HCN1: variants seen among roughly 807,000 people sequenced by gnomAD.
HCN1 encodes the protein potassium/sodium hyperpolarization-activated cyclic nucleotide-gated channel 1.
HCN1 carries 13 observed loss-of-function variants against 78.9 expected under a neutral mutation model. The observed-to-expected ratio is 0.16, with a 90% CI of 0.11 to 0.26. The LOEUF (loss-of-function observed/expected upper bound fraction) is 0.26. Among genes scored for constraint, HCN1 ranks in the 10% least tolerant of loss-of-function variants. HCN1 has a pLI of 1.00. For synonymous variants in HCN1, 552 were observed against 455.5 expected, an observed-to-expected ratio of 1.21 and a Z score of -2.70; for missense variants, 810 against 1,154.3, an observed-to-expected ratio of 0.70 and a Z score of 4.32.
chr5:45,575,726 C>T (rs1743927583), intron 2 of HCN1: 1 of 152,042 alleles, frequency 6.6e-6, no homozygotes, highest in African/African-American at 2.4e-5. Flanking sequence ...AGATTTCTTT[C>T]AAAATATCAC....
At chr5:45,320,577 A>G (rs1746105067) in intron 5 of HCN1, among the ~76,000 whole-genome samples, 1 of 151,818 alleles carries the variant, frequency 6.6e-6, no homozygotes, top group South Asian at 2.1e-4. Flanking sequence ...CATGCTTGCA[A>G]GAGGAGGAAC....
chr5:45,437,467 T>C (rs1740579416), intron 3 of HCN1, among the ~76,000 whole-genome samples: 1 of 152,222 alleles, frequency 6.6e-6, no homozygotes, highest in South Asian at 2.1e-4. Flanking sequence ...AAATGTATAG[T>C]ATTTGAATAA....
At chr5:45,679,126 A>G (rs542961471) in intron 1 of HCN1, among the ~76,000 whole-genome samples, 2 of 152,190 alleles carry the variant, frequency 1.3e-5, no homozygotes, top group South Asian at 4.1e-4. Context: ...TCTGGGACAA[A>G]GCATAGTGGT....
intron 2 of HCN1, among the ~76,000 whole-genome samples, chr5:45,573,985 T>C (rs764813473): frequency 6.6e-6 from 1 of 152,080 alleles, no homozygotes; most frequent in African/African-American, 2.4e-5. Context: ...AGATTCCCAA[T>C]AGCATATACA....
intron 1 of HCN1, among the ~76,000 whole-genome samples, chr5:45,680,996 C>G (rs992588539): frequency 1.3e-5 from 2 of 152,080 alleles, no homozygotes; most frequent in African/African-American, 4.8e-5. Context: ...TCCTTAATAT[C>G]TGGTATGTCA....
At chr5:45,495,447 T>C (rs1283995934) in intron 2 of HCN1, among the ~76,000 whole-genome samples, 1 of 149,434 alleles carries the variant, frequency 6.7e-6, no homozygotes, top group Non-Finnish European at 1.5e-5. Flanking sequence ...TGTACATTGA[T>C]TTTGTATCCT....
At position 45,696,217 on chromosome 5, in the gene HCN1, G is replaced by A; in HGVS notation, c.-124C>T. The stretch of plus-strand genomic sequence containing the variant: ...CCGGCGAGCCCAGCTGCCCGTCGCG[G>A]CGGCGGCGGCGGCGGCGGCGGCTGC... On this transcript the variant is annotated 5_prime_UTR_variant, in exon 1 of 8. Transcript: ENST00000303230. The A allele has an allele frequency of 4.3e-6, 1 of 230,854 alleles. No individual in the cohort carries two copies. The highest frequency in any genetic ancestry group is 2.4e-5 in the African/African-American group (1 of 42,324). 14.3% of individuals were successfully genotyped at this position (230,854 alleles called of 1,614,324 possible). A position where few individuals can be genotyped will look rare whatever the true frequency, so the allele number is the denominator to read the frequency against.
chr5:45,469,962 G>T (rs1741355751), intron 2 of HCN1, among the ~76,000 whole-genome samples: 1 of 151,934 alleles, frequency 6.6e-6, no homozygotes, highest in East Asian at 1.9e-4. Flanking sequence ...CCAGCCTCCT[G>T]TCACCATTTT....
intron 2 of HCN1, among the ~76,000 whole-genome samples, chr5:45,608,357 ATGTGTGTG>A (rs397970171): frequency 6.4e-5 from 9 of 140,412 alleles, no homozygotes; most frequent in Admixed American, 2.1e-4. Context: ...GGATGGGTGT[ATGTGTGTG>A]TGTGTGTGTG....
intron 5 of HCN1, among the ~76,000 whole-genome samples, chr5:45,317,646 A>C (rs887515449): frequency 3.9e-5 from 6 of 152,262 alleles, no homozygotes; most frequent in African/African-American, 1.4e-4. Context: ...AATGGGAGAA[A>C]ATTTTTGCAA....
intron 2 of HCN1, among the ~76,000 whole-genome samples, chr5:45,484,277 A>G (rs1741714541): frequency 6.6e-6 from 1 of 152,128 alleles, no homozygotes; most frequent in African/African-American, 2.4e-5. Flanking sequence ...TAAAAAAAAT[A>G]CAAAAAAATT....
At chr5:45,581,706 A>T (rs1214680701) in intron 2 of HCN1, among the ~76,000 whole-genome samples, 2 of 152,178 alleles carry the variant, frequency 1.3e-5, no homozygotes, top group Non-Finnish European at 2.9e-5. Context: ...TATAAGGTGT[A>T]AGGAAGGGAT....
At chr5:45,571,167 C>A (rs1743823295) in intron 2 of HCN1, among the ~76,000 whole-genome samples, 1 of 152,156 alleles carries the variant, frequency 6.6e-6, no homozygotes, top group Non-Finnish European at 1.5e-5. Flanking sequence ...GTCCCTTCCT[C>A]TTTCCTTCCT....
intron 2 of HCN1, among the ~76,000 whole-genome samples, chr5:45,533,946 G>A (rs1281990539): frequency 6.6e-6 from 1 of 152,190 alleles, no homozygotes; most frequent in East Asian, 1.9e-4. Flanking sequence ...CAGTGGAGGG[G>A]AGAAGAGAGA....
At chr5:45,284,630 C>A (rs1745232222) in intron 6 of HCN1, among the ~76,000 whole-genome samples, 1 of 152,076 alleles carries the variant, frequency 6.6e-6, no homozygotes, top group Non-Finnish European at 1.5e-5. Flanking sequence ...AAACTTCAGC[C>A]TTCTTGCTGA....
At position 45,506,071 on chromosome 5, in the gene HCN1, C is replaced by T. The variant is rs72762061; in HGVS notation, c.850-44064G>A. 4.9e-3 allele frequency among the ~76,000 whole-genome samples: 747 copies of T among 152,188 alleles called. 3 individuals carry two copies. Among genetic ancestry groups the T allele is most frequent in the Non-Finnish European group, 7.9e-3 (537 of 67,984 alleles). Reference sequence around the variant, plus strand: ...GTTCACTAGAATGAAATAAAATCGGCATTTCTTCTTTATATTAGATAAATG... The same window carrying T: ...GTTCACTAGAATGAAATAAAATCGGTATTTCTTCTTTATATTAGATAAATG... On this transcript the variant is annotated intron_variant, in intron 2 of 7. Coordinates refer to ENST00000303230, the MANE Select transcript of HCN1 (RefSeq NM_021072.4).
At chr5:45,342,321 C>G (rs564385373) in intron 5 of HCN1, among the ~76,000 whole-genome samples, 1 of 151,378 alleles carries the variant, frequency 6.6e-6, no homozygotes, top group Non-Finnish European at 1.5e-5. Flanking sequence ...CCTCTGACTC[C>G]CAGGTTCAAG....
At chr5:45,423,554 T>A (rs1345080550) in intron 3 of HCN1, among the ~76,000 whole-genome samples, 2 of 152,022 alleles carry the variant, frequency 1.3e-5, no homozygotes, top group Non-Finnish European at 2.9e-5. Flanking sequence ...AAAACTGTCT[T>A]CTCTGTCTAC....
At chr5:45,540,127 T>A (rs1355869359) in intron 2 of HCN1, among the ~76,000 whole-genome samples, 1 of 151,802 alleles carries the variant, frequency 6.6e-6, no homozygotes, top group Non-Finnish European at 1.5e-5. Context: ...AGAATTTAAA[T>A]ATTGAATTAA....
Sources: allele counts gnomAD v4.1 joint callset (sites outside exome capture counted in the v4.1 genomes callset), GRCh38; gene constraint gnomAD v4.1.1; transcripts MANE v1.5; gene names NCBI Gene and HGNC (gene_info 2026-07-23, HGNC 2026-07-21).